FAM135B: variants seen among roughly 807,000 people sequenced by gnomAD.
FAM135B encodes protein FAM135B.
FAM135B carries 43 observed loss-of-function variants against 127.7 expected under a neutral mutation model. The ratio of observed to expected loss-of-function variants is 0.34; its 90% CI spans 0.26 to 0.43. The LOEUF is 0.43. Ranked by LOEUF, FAM135B falls within the 20% of genes least tolerant of loss-of-function variation. The pLI is 1.00. For synonymous variants in FAM135B, 670 were observed against 665.1 expected (o/e 1.01, Z -0.11); for missense variants, 1,558 against 1,725.6 (o/e 0.90, Z 1.72).
chr8:138,377,649 A>G (rs893418980), intron 1 of FAM135B, among the ~76,000 whole-genome samples: 1 of 152,188 alleles, frequency 6.6e-6, no homozygotes. Context: ...GCTAATAACA[A>G]TGAAATTTCA....
At chr8:138,479,337 T>G (rs1326561819) in intron 1 of FAM135B, among the ~76,000 whole-genome samples, 1 of 152,102 alleles carries the variant, frequency 6.6e-6, no homozygotes, top group Non-Finnish European at 1.5e-5. Flanking sequence ...ATCCTGGAGG[T>G]TGGGAGGCCG....
chr8:138,334,392 T>A (rs1434989713), intron 2 of FAM135B, among the ~76,000 whole-genome samples: 1 of 152,222 alleles, frequency 6.6e-6, no homozygotes. Context: ...TTTTCTTTTT[T>A]AAAAACTTTT....
chr8:138,183,025 A>C (rs2131018566), intron 9 of FAM135B, among the ~76,000 whole-genome samples: 1 of 150,768 alleles, frequency 6.6e-6, no homozygotes, highest in East Asian at 2.0e-4. Flanking sequence ...GTGCATACAC[A>C]CTCAGGCACA....
At chr8:138,180,229 T>C (rs1814882492) in intron 9 of FAM135B, among the ~76,000 whole-genome samples, 1 of 152,182 alleles carries the variant, frequency 6.6e-6, no homozygotes, top group African/African-American at 2.4e-5. Flanking sequence ...CTTCCTCACT[T>C]ATTCAAGCAT....
intron 5 of FAM135B, among the ~76,000 whole-genome samples, chr8:138,254,679 C>T (rs1394805771): frequency 1.3e-5 from 2 of 152,308 alleles, no homozygotes; most frequent in East Asian, 1.9e-4. Flanking sequence ...CAAGTCTCTA[C>T]ACTATCCTGC....
intron 7 of FAM135B, among the ~76,000 whole-genome samples, chr8:138,200,124 T>C (rs1170107603): frequency 6.6e-6 from 1 of 152,222 alleles, no homozygotes; most frequent in Non-Finnish European, 1.5e-5. Flanking sequence ...AGACCCTCTG[T>C]AGAACTTTAC....
intron 1 of FAM135B, among the ~76,000 whole-genome samples, chr8:138,391,095 G>A (rs1265222450): frequency 1.3e-5 from 2 of 151,708 alleles, no homozygotes; most frequent in Non-Finnish European, 2.9e-5. Context: ...CAAGTGCAGG[G>A]GCTGCCTCCC....
intron 2 of FAM135B, among the ~76,000 whole-genome samples, chr8:138,340,798 GCATCCACT>G (rs1828995263): frequency 6.6e-6 from 1 of 152,102 alleles, no homozygotes; most frequent in Non-Finnish European, 1.5e-5. Context: ...TGTGCCTCGT[GCATCCACT>G]CATCCTTGAA....
intron 1 of FAM135B, among the ~76,000 whole-genome samples, chr8:138,473,070 T>C (rs1454116319): frequency 6.6e-6 from 1 of 152,172 alleles, no homozygotes; most frequent in Non-Finnish European, 1.5e-5. Context: ...GATGAATTAT[T>C]TCTTCTCAAC....
At chr8:138,347,170 G>A (rs1412762601) in intron 2 of FAM135B, among the ~76,000 whole-genome samples, 1 of 152,178 alleles carries the variant, frequency 6.6e-6, no homozygotes, top group Non-Finnish European at 1.5e-5. Context: ...TCTTCCCCAG[G>A]AGGACCTGGC....
chr8:138,206,125 GGC>G (rs1563768142), intron 7 of FAM135B, among the ~76,000 whole-genome samples: 20 of 134,136 alleles, frequency 1.5e-4, no homozygotes, highest in African/African-American at 2.7e-4. Context: ...CCTACACACA[GGC>G]CAGCAGCACC....
At chr8:138,194,600 G>C (rs992426541) in intron 9 of FAM135B, among the ~76,000 whole-genome samples, 24 of 152,182 alleles carry the variant, frequency 1.6e-4, no homozygotes, top group African/African-American at 5.3e-4. Flanking sequence ...GTGTCAGTTT[G>C]GGGGATGAGA....
chr8:138,259,243 T>C lies in FAM135B; in HGVS notation c.298-2484A>G, dbSNP rs77136177. Among the ~76,000 whole-genome samples the C allele has an allele frequency of 3.6e-3, 542 of 152,262 alleles. 1 individual carries two copies. Among genetic ancestry groups the C allele is most frequent in the African/African-American group, 0.012 (510 of 41,554 alleles). Reference sequence around the variant, plus strand: ...ACTGCTTGGTTTCAACTCATAATGGTGACTCTCTTGTTTTCTCCTCCATTC... The same window carrying C: ...ACTGCTTGGTTTCAACTCATAATGGCGACTCTCTTGTTTTCTCCTCCATTC... On this transcript the variant is annotated intron_variant, in intron 4 of 19. Coordinates refer to ENST00000395297, the MANE Select transcript of FAM135B (RefSeq NM_015912.4).
chr8:138,435,576 C>T (rs1291573625), intron 1 of FAM135B, among the ~76,000 whole-genome samples: 1 of 152,060 alleles, frequency 6.6e-6, no homozygotes, highest in Non-Finnish European at 1.5e-5. Context: ...TATTATTTAT[C>T]AAATACAATA....
chr8:138,448,786 CA>C (rs1412152468), intron 1 of FAM135B, among the ~76,000 whole-genome samples: 5 of 145,518 alleles, frequency 3.4e-5, no homozygotes, highest in African/African-American at 1.3e-4. Flanking sequence ...AAACCTAACA[CA>C]GGGGGAAAAA....
At chr8:138,143,156 G>T (rs1475243299) in intron 15 of FAM135B, 47 bp from the exon 16 acceptor site, 2 of 1,086,698 alleles carry the variant, frequency 1.8e-6, no homozygotes, top group Non-Finnish European at 2.8e-6. Flanking sequence ...TGTGGCGGGG[G>T]CTGGGCTTTG....
intron 1 of FAM135B, among the ~76,000 whole-genome samples, chr8:138,414,540 A>G (rs1260315055): frequency 6.6e-6 from 1 of 152,218 alleles, no homozygotes; most frequent in East Asian, 1.9e-4. Flanking sequence ...TAAGTTTTCA[A>G]ACAGACTTTT....
chr8:138,258,329 C>A (rs1822270318), intron 4 of FAM135B, among the ~76,000 whole-genome samples: 1 of 152,144 alleles, frequency 6.6e-6, no homozygotes. Flanking sequence ...GAGAGATATA[C>A]AGATGGAATT....
In FAM135B at chr8:138,137,572, T is replaced by C. The variant is rs903167663; in HGVS notation, c.3902-312A>G. On this transcript the variant is annotated intron_variant, in intron 18 of 19. Coordinates refer to ENST00000395297, the MANE Select transcript of FAM135B (RefSeq NM_015912.4). ...TAAGGAGACACACAGAAAGCTACTC[T>C]GGACACAGAGAAATAAGCAACTAGA... Among the ~76,000 whole-genome samples the C allele has an allele frequency of 5.3e-5, 8 of 152,228 alleles. No individual in the cohort carries two copies. The East Asian group carries it at 1.4e-3, about 26-fold the overall frequency.
Sources: gnomAD v4.1 joint callset for allele counts (sites outside exome capture counted in the v4.1 genomes callset) on GRCh38, gnomAD v4.1.1 for gene constraint, MANE v1.5 for transcripts, NCBI Gene and HGNC (gene_info 2026-07-23, HGNC 2026-07-21) for gene names.